The following COL11A1 variants were observed in gnomAD, a reference collection of about 807,000 sequenced individuals.
COL11A1 encodes the protein collagen alpha-1(XI) chain.
COL11A1 carries 74 observed loss-of-function variants against 265.2 expected under a neutral mutation model. The observed-to-expected ratio is 0.28, with a 90% CI of 0.23 to 0.34. The LOEUF (loss-of-function observed/expected upper bound fraction) is 0.34. COL11A1 is among the 10% of genes least tolerant of loss of function. The pLI is 1.00. For missense variants in COL11A1, 2,165 were observed against 2,263.6 expected (o/e 0.96, Z 0.88); for synonymous variants, 816 against 727.6 (o/e 1.12, Z -1.96).
At position 102,939,236 on chromosome 1, in the gene COL11A1, C is replaced by T. The variant is rs1658467619; in HGVS notation, c.3385-148G>A. 3 of 715,384 alleles carry T rather than the reference C, an allele frequency of 4.2e-6. No individual in the cohort carries two copies. The Admixed American group carries it at 6.5e-5, about 15-fold the overall frequency. The allele number at this position is 715,384 out of a possible 1,614,324, so 44.3% of individuals were successfully genotyped here. A position where few individuals can be genotyped will look rare whatever the true frequency, so the allele number is the denominator to read the frequency against. On this transcript the variant is annotated intron_variant, in intron 43 of 66. Transcript: ENST00000370096. The stretch of plus-strand genomic sequence containing the variant: ...TAAAATGGAAAATCTTGGGTTCCCA[C>T]TGCTTCTAGCTTTCTAATATTGACT...
At chr1:103,087,675 A>T (rs924252250) in intron 1 of COL11A1, among the ~76,000 whole-genome samples, 1 of 152,200 alleles carries the variant, frequency 6.6e-6, no homozygotes, top group African/African-American at 2.4e-5. Context: ...TGTTTCAAAC[A>T]CTTAGCTCCA....
chr1:102,905,285 A>T (rs938241021), intron 54 of COL11A1, among the ~76,000 whole-genome samples: 8 of 150,972 alleles, frequency 5.3e-5, no homozygotes, highest in African/African-American at 1.9e-4. Flanking sequence ...ATGACGAGTT[A>T]CTGGGTGCAG....
chr1:102,989,930 A>G (rs1663959303), intron 28 of COL11A1, among the ~76,000 whole-genome samples: 1 of 152,168 alleles, frequency 6.6e-6, no homozygotes, highest in South Asian at 2.1e-4. Flanking sequence ...TCACACCTGT[A>G]ATCCCCACAC....
chr1:103,082,311 G>T (rs545471767), intron 2 of COL11A1, among the ~76,000 whole-genome samples: 11 of 151,878 alleles, frequency 7.2e-5, no homozygotes, highest in African/African-American at 2.7e-4. Context: ...CAAAGAAAAA[G>T]TATCTCTTTC....
At chr1:103,046,971 A>G (rs138972951) in intron 4 of COL11A1, among the ~76,000 whole-genome samples, 142,530 of 152,206 alleles carry the variant, frequency 0.94, 66,966 homozygotes, top group East Asian at 1. Context: ...CTATATCTCT[A>G]TTTTGGTACA....
intron 7 of COL11A1, among the ~76,000 whole-genome samples, chr1:103,025,074 C>T (rs1271845638): frequency 2.0e-5 from 3 of 152,106 alleles, no homozygotes; most frequent in Non-Finnish European, 4.4e-5. Context: ...TCCACTAAGA[C>T]TACATTTTCT....
At chr1:102,935,206 C>T in intron 44 of COL11A1, 93 bp from the exon 45 acceptor site, 1 of 944,852 alleles carries the variant, frequency 1.1e-6, no homozygotes, top group Non-Finnish European at 1.7e-6. Context: ...AGATCAAACA[C>T]TTCTGCACTC....
chr1:103,053,331 A>T (rs1055635802), intron 4 of COL11A1, among the ~76,000 whole-genome samples: 15 of 152,164 alleles, frequency 9.9e-5, no homozygotes, highest in Non-Finnish European at 2.1e-4. Context: ...TAAAGTCCCA[A>T]AATATGGGAC....
chr1:102,944,271 T>C (rs1659028695), intron 42 of COL11A1, among the ~76,000 whole-genome samples: 2 of 152,148 alleles, frequency 1.3e-5, no homozygotes, highest in Non-Finnish European at 2.9e-5. Context: ...TTGCCCAACA[T>C]TTTCATCAGT....
chr1:102,980,954 T>A (rs2101692963), intron 31 of COL11A1, among the ~76,000 whole-genome samples: 1 of 152,228 alleles, frequency 6.6e-6, no homozygotes, highest in South Asian at 2.1e-4. Flanking sequence ...TCACAGGAGG[T>A]AACTATTTGG....
chr1:102,983,314 T>A (rs191050613), intron 31 of COL11A1, among the ~76,000 whole-genome samples: 5 of 152,182 alleles, frequency 3.3e-5, no homozygotes, highest in Admixed American at 2.6e-4. Flanking sequence ...AAAATTTATA[T>A]CCATATACAA....
chr1:102,934,997 G>A, intron 45 of COL11A1, 63 bp downstream of exon 45: 1 of 1,480,062 alleles, frequency 6.8e-7, no homozygotes. Context: ...TTATGGGACA[G>A]TATACAAATT....
intron 35 of COL11A1, among the ~76,000 whole-genome samples, chr1:102,975,645 T>G (rs1019287081): frequency 3.3e-5 from 5 of 152,124 alleles, no homozygotes; most frequent in African/African-American, 1.2e-4. Flanking sequence ...GAAAAAGTAA[T>G]TGGTAAGAGA....
At chr1:102,976,258 A>G (rs2061705) in intron 35 of COL11A1, among the ~76,000 whole-genome samples, 58,889 of 141,718 alleles carry the variant, frequency 0.42, 14,142 homozygotes, top group East Asian at 0.8. Context: ...TGAAAAATTG[A>G]GTCTTTATAA....
At chr1:102,981,518 C>T (rs1243917194) in intron 31 of COL11A1, among the ~76,000 whole-genome samples, 5 of 151,966 alleles carry the variant, frequency 3.3e-5, no homozygotes, top group South Asian at 2.1e-4. Flanking sequence ...TATATACTTA[C>T]GTAGAGTTTC....
At chr1:103,079,576 C>G (rs951859482) in intron 2 of COL11A1, among the ~76,000 whole-genome samples, 1 of 151,872 alleles carries the variant, frequency 6.6e-6, no homozygotes, top group Non-Finnish European at 1.5e-5. Context: ...AACAATTACC[C>G]TAAGTATATC....
chr1:103,092,703 C>T (rs1571263789), intron 1 of COL11A1, among the ~76,000 whole-genome samples: 1 of 152,068 alleles, frequency 6.6e-6, no homozygotes, highest in African/African-American at 2.4e-5. Context: ...TAGTAAATTG[C>T]CTATCTCTGT....
intron 34 of COL11A1, 39 bp from the exon 35 acceptor site, chr1:102,978,791 C>T (rs775192614): frequency 6.2e-7 from 1 of 1,614,094 alleles, no homozygotes; most frequent in Non-Finnish European, 8.5e-7. Context: ...AGTTTGAATT[C>T]TTTCTCATAG....
At chr1:102,920,251 C>G (rs1655822097) in intron 49 of COL11A1, 60 bp downstream of exon 49, 3 of 1,440,350 alleles carry the variant, frequency 2.1e-6, no homozygotes, top group African/African-American at 1.4e-5. Flanking sequence ...AACTACTACC[C>G]AATATTATTA....
Sources: allele counts gnomAD v4.1 joint callset (sites outside exome capture counted in the v4.1 genomes callset), GRCh38; gene constraint gnomAD v4.1.1; transcripts MANE v1.5; gene names NCBI Gene and HGNC (gene_info 2026-07-23, HGNC 2026-07-21).